The following PARVB variants were observed in gnomAD, a reference collection of about 807,000 sequenced individuals.
PARVB encodes parvin beta, also known as beta-parvin.
PARVB carries 46 observed loss-of-function variants against 47.0 expected under a neutral mutation model. The observed-to-expected ratio is 0.98, with a 90% CI of 0.77 to 1.25. PARVB has a LOEUF of 1.25. Ranked by LOEUF, PARVB falls within the 50% of genes most tolerant of loss-of-function variation. PARVB has a pLI of 0.00. For missense variants in PARVB, 473 were observed against 471.6 expected, an observed-to-expected ratio of 1.00 and a Z score of -0.03; for synonymous variants, 196 against 196.3, an observed-to-expected ratio of 1.00 and a Z score of 0.01.
intron 2 of PARVB, among the ~76,000 whole-genome samples, chr22:44,098,802 T>G (rs894884708): frequency 6.6e-6 from 1 of 152,182 alleles, no homozygotes; most frequent in Non-Finnish European, 1.5e-5. Flanking sequence ...AAAGCCATTT[T>G]CTTTCTTTCT....
At chr22:44,007,563 C>G (rs374816626) in intron 2 of PARVB, among the ~76,000 whole-genome samples, 1 of 152,194 alleles carries the variant, frequency 6.6e-6, no homozygotes. Context: ...TTCCTCTTCT[C>G]CACGAGAAAG....
At chr22:44,124,663 T>A (rs1397342883) in intron 4 of PARVB, among the ~76,000 whole-genome samples, 1 of 148,362 alleles carries the variant, frequency 6.7e-6, no homozygotes, top group African/African-American at 2.6e-5. Context: ...GGTGGAAGGG[T>A]CTCCCCGTGG....
chr22:44,099,170 C>G (rs948904245), intron 2 of PARVB, among the ~76,000 whole-genome samples: 1 of 152,168 alleles, frequency 6.6e-6, no homozygotes, highest in Non-Finnish European at 1.5e-5. Context: ...TAGAGCCTCC[C>G]GGTGAGTGGA....
chr22:44,029,646 C>A (rs1030932585), intron 1 of PARVB, among the ~76,000 whole-genome samples: 1 of 152,014 alleles, frequency 6.6e-6, no homozygotes, highest in African/African-American at 2.4e-5. Context: ...CGTGGTGGCT[C>A]ACGCCTGTAA....
In PARVB at chr22:44,066,807, C is replaced by CCTCCTCCTCCTCCTCCTCCTT. The variant is rs1555898495; in HGVS notation, c.113-27106_113-27105insCTCCTTCTCCTCCTCCTCCTC. Among the ~76,000 whole-genome samples the CCTCCTCCTCCTCCTCCTCCTT allele has an allele frequency of 2.8e-4, 41 of 145,912 alleles. 1 individual carries two copies. Among genetic ancestry groups the CCTCCTCCTCCTCCTCCTCCTT allele is most frequent in the Non-Finnish European group, 6.0e-4 (39 of 65,428 alleles). Reference sequence around the variant, plus strand: ...TCCTCCTCCTCCTCCTCCTCCTCCTCCTCCTCCTCCTCCTCTTCCTCCTCC... The same window carrying CCTCCTCCTCCTCCTCCTCCTT: ...TCCTCCTCCTCCTCCTCCTCCTCCTCCTCCTCCTCCTCCTCCTCCTTCTCCTCCTCCTCCTCTTCCTCCTCC... On this transcript the variant is annotated intron_variant, in intron 1 of 12. Transcript: ENST00000338758.
rs376963048 is a variant in PARVB at position 44,018,130 on chromosome 22, A to G, written c.211+18457A>G. ...CAATAACCACATCTCGGCCAGGCAC[A>G]GTGGCTCACACCTATACTCCCAGCA... On this transcript the variant is annotated intron_variant, in intron 2 of 13. Transcript: ENST00000406477. Among the ~76,000 whole-genome samples, 15 of 152,252 alleles carry G rather than the reference A, an allele frequency of 9.9e-5. No homozygotes were observed. In the East Asian group the frequency reaches 2.7e-3, roughly 27 times the overall value.
At chr22:44,098,247 C>T (rs186568393) in intron 2 of PARVB, among the ~76,000 whole-genome samples, 3 of 152,310 alleles carry the variant, frequency 2.0e-5, no homozygotes, top group Admixed American at 6.5e-5. Context: ...TGTGGACTCA[C>T]GGCCTGGCCC....
At chr22:44,020,456 G>C (rs1175827300), upstream of PARVB, among the ~76,000 whole-genome samples, 1 of 152,160 alleles carries the variant, frequency 6.6e-6, no homozygotes, top group Non-Finnish European at 1.5e-5. Flanking sequence ...TCTCAGGCAT[G>C]AGCCATTGCA....
chr22:44,070,388 TGG>T (rs2051628127), intron 1 of PARVB, among the ~76,000 whole-genome samples: 1 of 152,200 alleles, frequency 6.6e-6, no homozygotes, highest in South Asian at 2.1e-4. Flanking sequence ...AGCAAACTCC[TGG>T]TAAATGCTCC....
chr22:44,119,880 T>C (rs757832530), intron 4 of PARVB: 2 of 528,502 alleles, frequency 3.8e-6, no homozygotes, highest in East Asian at 1.1e-4. Flanking sequence ...GGGGCGGCCT[T>C]GCAGCTCATA....
intron 4 of PARVB, among the ~76,000 whole-genome samples, chr22:44,123,970 A>T (rs1276333303): frequency 6.6e-6 from 1 of 152,232 alleles, no homozygotes; most frequent in Non-Finnish European, 1.5e-5. Flanking sequence ...TGTTTTTTAA[A>T]CAGACAAATA....
At chr22:44,040,288 T>C (rs2050994710) in intron 1 of PARVB, among the ~76,000 whole-genome samples, 2 of 151,490 alleles carry the variant, frequency 1.3e-5, no homozygotes, top group African/African-American at 4.8e-5. Context: ...TGTCTGCAAC[T>C]TACTTTGAAA....
At chr22:44,055,678 C>CTCTCTCTCTATATATATATATATA (rs1438284048) in intron 1 of PARVB, among the ~76,000 whole-genome samples, 10 of 142,758 alleles carry the variant, frequency 7.0e-5, no homozygotes, top group African/African-American at 2.4e-4. Flanking sequence ...CTCTCTCTCT[C>CTCTCTCTCTATATATATATATATA]TATATATATA....
At chr22:44,076,216 G>A (rs115561437) in intron 1 of PARVB, among the ~76,000 whole-genome samples, 16 of 152,322 alleles carry the variant, frequency 1.1e-4, no homozygotes, top group African/African-American at 3.8e-4. Context: ...CTGAGTTGGG[G>A]GCCCCATGGC....
intron 1 of PARVB, among the ~76,000 whole-genome samples, chr22:44,075,761 C>T (rs970085319): frequency 3.3e-4 from 51 of 152,252 alleles, no homozygotes; most frequent in Admixed American, 2.7e-3. Context: ...CGCCTTTTCA[C>T]AGCTGACGGC....
chr22:44,011,284 T>C (rs919558311), intron 2 of PARVB, among the ~76,000 whole-genome samples: 39 of 152,014 alleles, frequency 2.6e-4, no homozygotes, highest in African/African-American at 8.9e-4. Context: ...TGCTTACACA[T>C]CATCTGTGGC....
intron 3 of PARVB, chr22:44,111,124 T>A (rs921760719): frequency 6.6e-6 from 1 of 152,130 alleles, no homozygotes; most frequent in African/African-American, 2.4e-5. Flanking sequence ...CTACACAAAT[T>A]TGGAATCATT....
At chr22:44,007,151 C>G (rs548226293) in intron 2 of PARVB, among the ~76,000 whole-genome samples, 1 of 152,116 alleles carries the variant, frequency 6.6e-6, no homozygotes, top group Non-Finnish European at 1.5e-5. Flanking sequence ...TTAGTGTGTG[C>G]GAGGCTGCGT....
intron 4 of PARVB, among the ~76,000 whole-genome samples, chr22:44,128,909 C>T (rs2053249305): frequency 6.6e-6 from 1 of 152,132 alleles, no homozygotes; most frequent in Admixed American, 6.5e-5. Context: ...GAAACCCTGC[C>T]TCTACTAAAA....
Sources: gnomAD v4.1 joint callset for allele counts (sites outside exome capture counted in the v4.1 genomes callset) on GRCh38, gnomAD v4.1.1 for gene constraint, MANE v1.5 for transcripts, NCBI Gene and HGNC (gene_info 2026-07-23, HGNC 2026-07-21) for gene names.